Variants in ADGRL3 observed in about 807,000 individuals in gnomAD.
ADGRL3 encodes adhesion G protein-coupled receptor L3, also known as calcium-independent alpha-latrotoxin receptor 3.
ADGRL3 carries 62 observed loss-of-function variants against 153.5 expected under a neutral mutation model. That is an observed-to-expected ratio of 0.40 (90% confidence interval 0.33 to 0.50). The LOEUF is 0.50. Ranked by LOEUF, ADGRL3 falls within the 20% of genes least tolerant of loss-of-function variation. The pLI, the probability that ADGRL3 is intolerant of heterozygous loss-of-function variation, is 0.47. For missense variants in ADGRL3, 1,641 were observed against 1,859.4 expected, an observed-to-expected ratio of 0.88 and a Z score of 2.16; for synonymous variants, 710 against 672.5, an observed-to-expected ratio of 1.06 and a Z score of -0.86.
At chr4:61,517,236 G>A in intron 3 of ADGRL3, 79 bp from the exon 4 acceptor site, 2 of 674,920 alleles carry the variant, frequency 3.0e-6, no homozygotes, top group South Asian at 3.2e-5. Flanking sequence ...GCAGCCTTGG[G>A]AATAGCCTCT....
chr4:61,697,946 A>G (rs989126539), intron 6 of ADGRL3, among the ~76,000 whole-genome samples: 78 of 152,284 alleles, frequency 5.1e-4, no homozygotes, highest in African/African-American at 1.7e-3. Context: ...CCTCTATACC[A>G]TTAACTCTCA....
chr4:61,760,847 G>T (rs2343577), intron 8 of ADGRL3, among the ~76,000 whole-genome samples: 67,809 of 152,008 alleles, frequency 0.45, 15,482 homozygotes, highest in East Asian at 0.64. Flanking sequence ...AACAGAGAAA[G>T]AATAATTCAC....
intron 9 of ADGRL3, among the ~76,000 whole-genome samples, chr4:61,859,331 G>A (rs977079274): frequency 2.0e-5 from 3 of 152,106 alleles, no homozygotes; most frequent in African/African-American, 7.2e-5. Flanking sequence ...GAAATACTTA[G>A]AATCTTTGAA....
At chr4:61,431,385 T>G (rs1308433702) in intron 2 of ADGRL3, among the ~76,000 whole-genome samples, 2 of 152,300 alleles carry the variant, frequency 1.3e-5, no homozygotes, top group East Asian at 3.9e-4. Flanking sequence ...TCAGGGGAAA[T>G]GGTTGTCTTT....
At chr4:61,341,085 A>G (rs932962102) in intron 1 of ADGRL3, among the ~76,000 whole-genome samples, 4 of 151,964 alleles carry the variant, frequency 2.6e-5, no homozygotes, top group African/African-American at 9.7e-5. Flanking sequence ...TTAGCAAACT[A>G]ACATATATAT....
At chr4:61,701,992 A>G (rs77726634) in intron 6 of ADGRL3, among the ~76,000 whole-genome samples, 252 of 152,260 alleles carry the variant, frequency 1.7e-3, no homozygotes, top group African/African-American at 5.9e-3. Flanking sequence ...GAAACAAGGA[A>G]TTATGGAATT....
At chr4:61,471,708 T>G (rs959463120) in intron 2 of ADGRL3, among the ~76,000 whole-genome samples, 3 of 152,024 alleles carry the variant, frequency 2.0e-5, no homozygotes, top group African/African-American at 4.8e-5. Flanking sequence ...ATTTTCTCAG[T>G]TTCTGACAAC....
intron 8 of ADGRL3, among the ~76,000 whole-genome samples, chr4:61,749,678 G>A (rs2152037612): frequency 6.6e-6 from 1 of 151,574 alleles, no homozygotes; most frequent in South Asian, 2.1e-4. Context: ...ATGGACACAG[G>A]AAGGAGAACA....
intron 5 of ADGRL3, among the ~76,000 whole-genome samples, chr4:61,618,825 T>C (rs1219773026): frequency 3.3e-5 from 5 of 152,100 alleles, no homozygotes; most frequent in Admixed American, 1.3e-4. Context: ...CAAGTGACAC[T>C]CCCTCCTCAG....
chr4:61,868,153 A>T, intron 9 of ADGRL3, among the ~76,000 whole-genome samples: 1 of 152,280 alleles, frequency 6.6e-6, no homozygotes, highest in East Asian at 1.9e-4. Context: ...TACATAAAAT[A>T]TGTCTTTGGT....
intron 4 of ADGRL3, among the ~76,000 whole-genome samples, chr4:61,584,587 A>G (rs1296553616): frequency 6.6e-6 from 1 of 151,970 alleles, no homozygotes; most frequent in Non-Finnish European, 1.5e-5. Context: ...CTTTTTTTAA[A>G]AAACTTAATT....
chr4:61,989,489 C>G (rs1248707014), intron 19 of ADGRL3, among the ~76,000 whole-genome samples: 1 of 151,940 alleles, frequency 6.6e-6, no homozygotes, highest in Non-Finnish European at 1.5e-5. Context: ...ACAGGGAGTA[C>G]ATGTGTATGT....
Position 61,387,634 on chromosome 4 carries a change from C to T in ADGRL3, c.-174+4445C>T, listed in dbSNP as rs184552565. ...TTGAAAGAGAAATACAGCTCTGTTC[C>T]GCCTGGCTCACCGGTGGTCAGAGTT... On this transcript the variant is annotated intron_variant, in intron 2 of 26. Coordinates refer to ENST00000683033, the MANE Select transcript of ADGRL3 (RefSeq NM_001387552.1). Among the ~76,000 whole-genome samples, 307 of 152,204 alleles carry T rather than the reference C, an allele frequency of 2.0e-3. 3 individuals carry two copies. Among genetic ancestry groups the T allele is most frequent in the African/African-American group, 7.0e-3 (292 of 41,544 alleles).
At chr4:61,559,634 T>G (rs1428825266) in intron 4 of ADGRL3, among the ~76,000 whole-genome samples, 1 of 152,058 alleles carries the variant, frequency 6.6e-6, no homozygotes, top group Non-Finnish European at 1.5e-5. Context: ...ATATTTGTTA[T>G]GTGTTACTTT....
chr4:61,522,440 C>G (rs1206746016), intron 4 of ADGRL3, among the ~76,000 whole-genome samples: 1 of 152,022 alleles, frequency 6.6e-6, no homozygotes, highest in Admixed American at 6.6e-5. Flanking sequence ...TTGATTAAGA[C>G]TCTTGAAAAT....
intron 21 of ADGRL3, among the ~76,000 whole-genome samples, chr4:61,999,491 A>T (rs2099133170): frequency 6.6e-6 from 1 of 152,240 alleles, no homozygotes; most frequent in South Asian, 2.1e-4. Flanking sequence ...GATATGATAT[A>T]TTAAATTGCA....
At chr4:61,918,097 T>C (rs2098752859) in intron 13 of ADGRL3, among the ~76,000 whole-genome samples, 1 of 152,200 alleles carries the variant, frequency 6.6e-6, no homozygotes, top group East Asian at 1.9e-4. Context: ...GCCACTTGGA[T>C]TAGCATATTA....
rs539694531 is a variant in ADGRL3, at chr4:61,861,708, G to T, written c.1481-30948G>T. ...TACCAAATTCATCTAGGGCATAGTA[G>T]GATTGGTTTGTTTTTACTCCACCAT... On this transcript the variant is annotated intron_variant, in intron 9 of 26. Coordinates refer to ENST00000683033, the MANE Select transcript of ADGRL3 (RefSeq NM_001387552.1). 2.0e-5 allele frequency among the ~76,000 whole-genome samples: 3 copies of T among 152,134 alleles called. No homozygotes were observed. The South Asian group carries it at 6.2e-4, about 32-fold the overall frequency.
At chr4:61,821,760 A>C (rs1244263514) in intron 9 of ADGRL3, among the ~76,000 whole-genome samples, 1 of 152,198 alleles carries the variant, frequency 6.6e-6, no homozygotes, top group African/African-American at 2.4e-5. Context: ...CACATAATCA[A>C]TGAACTAGAG....
Sources: allele counts gnomAD v4.1 joint callset (sites outside exome capture counted in the v4.1 genomes callset), GRCh38; gene constraint gnomAD v4.1.1; transcripts MANE v1.5; gene names NCBI Gene and HGNC (gene_info 2026-07-23, HGNC 2026-07-21).